Variants in NAV2 observed in about 807,000 individuals in gnomAD.
NAV2 encodes neuron navigator 2.
In NAV2, 54 loss-of-function variants were observed where a neutral mutation model predicts 223.2. The ratio of observed to expected loss-of-function variants is 0.24; its 90% CI spans 0.19 to 0.30. The LOEUF is 0.30. NAV2 is among the 10% of genes least tolerant of loss of function. The probability of loss-of-function intolerance (pLI) is 1.00; values close to 1 mark genes in which losing one functional copy is unlikely to be tolerated. For missense variants in NAV2, 2,806 were observed against 3,147.5 expected, an observed-to-expected ratio of 0.89 and a Z score of 2.60; for synonymous variants, 1,279 against 1,239.3, an observed-to-expected ratio of 1.03 and a Z score of -0.67.
chr11:19,923,474 A>G (rs939980130), intron 6 of NAV2, among the ~76,000 whole-genome samples: 4 of 151,968 alleles, frequency 2.6e-5, no homozygotes, highest in African/African-American at 9.7e-5. Context: ...TTTACTGTCT[A>G]TTTATATTGT....
chr11:19,775,027 A>C (rs1332092828), intron 1 of NAV2, among the ~76,000 whole-genome samples: 1 of 152,178 alleles, frequency 6.6e-6, no homozygotes, highest in Non-Finnish European at 1.5e-5. Flanking sequence ...GTATTTTCAC[A>C]CAATCAGGAT....
At chr11:19,614,279 G>T (rs907261520) in intron 1 of NAV2, among the ~76,000 whole-genome samples, 2 of 152,162 alleles carry the variant, frequency 1.3e-5, no homozygotes, top group Non-Finnish European at 2.9e-5. Flanking sequence ...CTCCACTCCA[G>T]CCTAGTTCCG....
At position 19,639,688 on chromosome 11, in the gene NAV2, G is replaced by T. The variant is rs572640957; in HGVS notation, c.76-192796G>T. On this transcript the variant is annotated intron_variant, in intron 1 of 37. Coordinates refer to the NAV2 transcript ENST00000360655. The stretch of plus-strand genomic sequence containing the variant: ...TGGTCATCTACTTTCTTCAACAGAA[G>T]GGGAAACAGAGGATCAGAGAAAAGC... Among the ~76,000 whole-genome samples, 17 of 152,296 alleles carry T rather than the reference G, an allele frequency of 1.1e-4. No individual in the cohort carries two copies. The South Asian group carries it at 3.5e-3, about 32-fold the overall frequency.
chr11:20,089,241 T>C (rs1237680853), intron 26 of NAV2, among the ~76,000 whole-genome samples: 2 of 152,224 alleles, frequency 1.3e-5, no homozygotes, highest in African/African-American at 2.4e-5. Flanking sequence ...GAATCTTCCT[T>C]GGTGACTGGT....
At chr11:19,358,335 T>G (rs7950232) in intron 1 of NAV2, among the ~76,000 whole-genome samples, 1 of 152,110 alleles carries the variant, frequency 6.6e-6, no homozygotes, top group African/African-American at 2.4e-5. Context: ...AATATGGGAC[T>G]GGGACAGGTG....
At chr11:20,066,973 G>A (rs2059084473) in intron 20 of NAV2, among the ~76,000 whole-genome samples, 2 of 152,244 alleles carry the variant, frequency 1.3e-5, no homozygotes, top group Non-Finnish European at 1.5e-5. Context: ...GGAAAGAAAG[G>A]TTCCTCCTGC....
chr11:20,018,455 G>T (rs1203451227), intron 11 of NAV2, among the ~76,000 whole-genome samples: 1 of 151,940 alleles, frequency 6.6e-6, no homozygotes. Flanking sequence ...GGGGATCAGT[G>T]AGTCCCTGGA....
chr11:19,687,412 A>C (rs1030200801), intron 1 of NAV2, among the ~76,000 whole-genome samples: 19 of 152,226 alleles, frequency 1.2e-4, no homozygotes, highest in Admixed American at 9.8e-4. Flanking sequence ...CATTCAGAAA[A>C]AAGCAAATAT....
At chr11:19,422,598 C>G (rs1564924675) in intron 1 of NAV2, among the ~76,000 whole-genome samples, 1 of 5,348 alleles carries the variant, frequency 1.9e-4, no homozygotes, top group Non-Finnish European at 1.9e-3. Context: ...ACAGGAGAGG[C>G]CTCTCTCTCT....
intron 1 of NAV2, among the ~76,000 whole-genome samples, chr11:19,590,134 G>A (rs2046017669): frequency 6.6e-6 from 1 of 152,206 alleles, no homozygotes; most frequent in African/African-American, 2.4e-5. Flanking sequence ...GTAAAACTGA[G>A]ATAATAATAG....
chr11:20,049,618 G>A (rs572487121), intron 15 of NAV2, among the ~76,000 whole-genome samples: 32 of 151,926 alleles, frequency 2.1e-4, no homozygotes, highest in African/African-American at 7.7e-4. Flanking sequence ...TGTCATTGTG[G>A]CAAACACCCT....
chr11:19,625,086 C>T (rs1473067004), intron 1 of NAV2, among the ~76,000 whole-genome samples: 5 of 152,156 alleles, frequency 3.3e-5, no homozygotes, highest in Admixed American at 2.6e-4. Flanking sequence ...AGATCCTCCT[C>T]CTAGCTAACC....
intron 1 of NAV2, among the ~76,000 whole-genome samples, chr11:19,598,386 C>T (rs1463610198): frequency 1.3e-5 from 2 of 152,202 alleles, no homozygotes; most frequent in African/African-American, 4.8e-5. Flanking sequence ...AAGGTAGTTT[C>T]CTAGCTTCAG....
intron 1 of NAV2, among the ~76,000 whole-genome samples, chr11:19,410,442 C>A (rs1320739253): frequency 6.6e-6 from 1 of 152,186 alleles, no homozygotes; most frequent in Admixed American, 6.6e-5. Context: ...GTTATTATCT[C>A]TATTTTACAA....
chr11:19,702,404 A>G (rs2049533737), intron 1 of NAV2, among the ~76,000 whole-genome samples: 3 of 152,214 alleles, frequency 2.0e-5, no homozygotes, highest in Admixed American at 1.3e-4. Context: ...CTGAAAAAGG[A>G]GAGGGCAGAG....
At chr11:19,718,753 A>G (rs1477461450) in intron 1 of NAV2, among the ~76,000 whole-genome samples, 1 of 152,010 alleles carries the variant, frequency 6.6e-6, no homozygotes, top group African/African-American at 2.4e-5. Flanking sequence ...AAGACACTTT[A>G]AGGGTGGTAC....
intron 1 of NAV2, among the ~76,000 whole-genome samples, chr11:19,793,913 T>C (rs1192413323): frequency 6.6e-6 from 1 of 152,244 alleles, no homozygotes; most frequent in East Asian, 1.9e-4. Context: ...CTTCTCATTT[T>C]ATCCTCGGAG....
chr11:19,968,575 G>GTATGCAGA (rs1397687141), intron 10 of NAV2, among the ~76,000 whole-genome samples: 2 of 152,172 alleles, frequency 1.3e-5, no homozygotes, highest in Non-Finnish European at 2.9e-5. Context: ...TGCTCTCTCA[G>GTATGCAGA]TATGCAGATC....
chr11:19,814,814 G>A (rs575376787), intron 1 of NAV2, among the ~76,000 whole-genome samples: 1 of 152,222 alleles, frequency 6.6e-6, no homozygotes, highest in African/African-American at 2.4e-5. Context: ...ATGACAGAGA[G>A]AGAACCTTCT....
Sources: allele counts gnomAD v4.1 joint callset (sites outside exome capture counted in the v4.1 genomes callset), GRCh38; gene constraint gnomAD v4.1.1; transcripts MANE v1.5; gene names NCBI Gene and HGNC (gene_info 2026-07-23, HGNC 2026-07-21).